MKNK1: variants seen among roughly 807,000 people sequenced by gnomAD.
The protein encoded by MKNK1 is MAP kinase-interacting serine/threonine-protein kinase 1.
MKNK1 carries 30 observed loss-of-function variants against 49.3 expected under a neutral mutation model. The ratio of observed to expected loss-of-function variants is 0.61; its 90% CI spans 0.46 to 0.83. MKNK1 has a LOEUF of 0.83. MKNK1 is among the 40% of genes least tolerant of loss of function. The probability of loss-of-function intolerance (pLI) is 0.00; values close to 1 mark genes in which losing one functional copy is unlikely to be tolerated. For synonymous variants in MKNK1, 176 were observed against 201.7 expected (o/e 0.87, Z 1.08); for missense variants, 423 against 524.7 (o/e 0.81, Z 1.89).
At chr1:46,560,646 C>T (rs774591668) in intron 11 of MKNK1, among the ~76,000 whole-genome samples, 59 of 152,208 alleles carry the variant, frequency 3.9e-4, no homozygotes, top group African/African-American at 1.4e-3. Flanking sequence ...CCTTTGTGCC[C>T]CTAGCACTTT....
At chr1:46,574,623 G>A (rs983521949) in intron 6 of MKNK1, 1 of 238,686 alleles carries the variant, frequency 4.2e-6, no homozygotes, top group African/African-American at 2.3e-5. Flanking sequence ...GTATTTGAGA[G>A]CTTCCACCCC....
At chr1:46,565,491 G>C (rs1424979430) in intron 8 of MKNK1, 1 of 296,752 alleles carries the variant, frequency 3.4e-6, no homozygotes, top group African/African-American at 2.2e-5. Context: ...CAGACTTCTT[G>C]CAGCCCATTC....
At chr1:46,567,196 G>C (rs1459283714) in intron 8 of MKNK1, among the ~76,000 whole-genome samples, 1 of 152,178 alleles carries the variant, frequency 6.6e-6, no homozygotes, top group Non-Finnish European at 1.5e-5. Context: ...TCCTGCCTCA[G>C]CCTCCCGAAG....
intron 1 of MKNK1, among the ~76,000 whole-genome samples, chr1:46,601,689 A>C (rs753542020): frequency 6.6e-6 from 1 of 152,220 alleles, no homozygotes; most frequent in Non-Finnish European, 1.5e-5. Context: ...AGGCACAAAG[A>C]GGAGGAAAAA....
At chr1:46,591,016 T>A (rs1340265596) in intron 2 of MKNK1, among the ~76,000 whole-genome samples, 1 of 152,238 alleles carries the variant, frequency 6.6e-6, no homozygotes, top group Non-Finnish European at 1.5e-5. Context: ...TCCACCTACA[T>A]TATTTCATGG....
At position 46,558,380 on chromosome 1, in the gene MKNK1, T is replaced by C; in HGVS notation, c.*195A>G. The stretch of plus-strand genomic sequence containing the variant: ...TGCTTTCCTTTTCAAAGACAACCCC[T>C]TTGGAAAAAGCTTTTTCCTCCAGGA... On this transcript the variant is annotated 3_prime_UTR_variant, in exon 13 of 13. Transcript: ENST00000371945. 1 of 567,792 alleles carries C rather than the reference T, an allele frequency of 1.8e-6. No homozygotes were observed. The highest frequency in any genetic ancestry group is 2.7e-5 in the South Asian group (1 of 37,468). 35.2% of individuals were successfully genotyped at this position (567,792 alleles called of 1,614,324 possible).
In MKNK1 at chr1:46,562,859, T is replaced by A; in HGVS notation, c.610-16A>T. On this transcript the variant is annotated splice_polypyrimidine_tract_variant and intron_variant, in intron 9 of 12. Coordinates refer to ENST00000371945, the MANE Select transcript of MKNK1 (RefSeq NM_001135553.4). ...CAGAGCCACACTGTGGGGGCCAGGG[T>A]TGGGGGAGGGGGAGATGGCAGAGAA... is the stretch of plus-strand genomic sequence containing the variant. 1 of 1,593,710 alleles carries A rather than the reference T, an allele frequency of 6.3e-7. No individual in the cohort carries two copies. The highest frequency in any genetic ancestry group is 8.5e-7 in the Non-Finnish European group (1 of 1,170,292).
intron 1 of MKNK1, among the ~76,000 whole-genome samples, chr1:46,602,430 G>A (rs542438721): frequency 2.0e-5 from 3 of 152,152 alleles, no homozygotes; most frequent in African/African-American, 7.2e-5. Flanking sequence ...AGGAGAAACA[G>A]AGACAACTAG....
At chr1:46,561,236 C>T (rs556500680) in intron 11 of MKNK1, among the ~76,000 whole-genome samples, 2 of 152,328 alleles carry the variant, frequency 1.3e-5, no homozygotes, top group Non-Finnish European at 2.9e-5. Context: ...ACCAAATCCC[C>T]AGAGGACTCT....
intron 3 of MKNK1, 77 bp from the exon 4 acceptor site, chr1:46,580,704 C>A: frequency 1.0e-6 from 1 of 985,652 alleles, no homozygotes; most frequent in South Asian, 1.3e-5. Context: ...ACTTTTGTGG[C>A]TCAGCTTCCC....
Position 46,586,059 on chromosome 1 carries a change from G to A in MKNK1, c.-2-2730C>T, listed in dbSNP as rs571444749. The A allele has an allele frequency of 2.2e-5, 12 of 552,750 alleles. No individual in the cohort carries two copies. The East Asian group carries it at 7.7e-4, about 36-fold the overall frequency. The allele number at this position is 552,750 out of a possible 1,614,324, so 34.2% of individuals were successfully genotyped here. On this transcript the variant is annotated intron_variant, in intron 2 of 12. Transcript: ENST00000371945. ...GGTTACACAGGGGGAAGCGAGAGGT[G>A]TCATAATCTCACCAAGGGGTCGCTA... is the stretch of plus-strand genomic sequence containing the variant.
Position 46,582,890 on chromosome 1 carries a change from G to C in MKNK1, c.100+338C>G. 4 of 505,226 alleles carry C rather than the reference G, an allele frequency of 7.9e-6. 1 individual carries two copies. Among genetic ancestry groups the C allele is most frequent in the South Asian group, 6.2e-5 (4 of 65,008 alleles). The allele number at this position is 505,226 out of a possible 1,614,324, so 31.3% of individuals were successfully genotyped here. A position where few individuals can be genotyped will look rare whatever the true frequency, so the allele number is the denominator to read the frequency against. On this transcript the variant is annotated intron_variant, in intron 3 of 12. Transcript: ENST00000371945. Reference sequence around the variant, plus strand: ...TCTTATATAGTTCTATCTCTCAGCAGCCCCTCCAGGAATAGCTGAGGGAAG... The same window carrying C: ...TCTTATATAGTTCTATCTCTCAGCACCCCCTCCAGGAATAGCTGAGGGAAG...
At position 46,572,023 on chromosome 1, in the gene MKNK1, G is replaced by C. The variant is rs373304150; in HGVS notation, c.457+40C>G. 4.4e-5 allele frequency: 70 copies of C among 1,590,394 alleles called. No individual in the cohort carries two copies. In the African/African-American group the frequency reaches 7.3e-4, roughly 16 times the overall value. On this transcript the variant is annotated intron_variant, in intron 7 of 12. Transcript: ENST00000371945. Reference sequence around the variant, plus strand: ...CACCTCCCTTGGTACCCAGAGGCTGGCCAGCCCAACCCACCCACCAAGGCA... The same window carrying C: ...CACCTCCCTTGGTACCCAGAGGCTGCCCAGCCCAACCCACCCACCAAGGCA...
Position 46,558,672 on chromosome 1 carries a change from A to C in MKNK1, c.1142T>G (p.Met381Arg). The change falls in exon 13 of 13, where the codon ATG (methionine) becomes AGG (arginine). Residue 381 changes from methionine to arginine, a missense_variant. Coordinates refer to ENST00000371945, the MANE Select transcript of MKNK1 (RefSeq NM_001135553.4). ...TGACTTGCAGGGAGGGGAAAGCTTC[A>C]TGGAGCAGAGGCCATCAGCTAGTGC... ...PEALADGLCSMKLSPPCKSRL... is the reference protein window; with the variant it reads ...PEALADGLCSRKLSPPCKSRL... 1 of 1,614,190 alleles carries C rather than the reference A, an allele frequency of 6.2e-7. No homozygotes were observed. Among genetic ancestry groups the C allele is most frequent in the Non-Finnish European group, 8.5e-7 (1 of 1,180,024 alleles).
At chr1:46,572,901 C>A (rs1670409912) in intron 6 of MKNK1, among the ~76,000 whole-genome samples, 2 of 152,116 alleles carry the variant, frequency 1.3e-5, no homozygotes, top group Non-Finnish European at 2.9e-5. Context: ...AATGCCACAC[C>A]CTTGCCAGAC....
At chr1:46,594,865 C>T in intron 1 of MKNK1, 1 of 416,492 alleles carries the variant, frequency 2.4e-6, no homozygotes, top group Non-Finnish European at 4.8e-6. Context: ...TGGTGGCACA[C>T]ACCTGTAGCT....
chr1:46,578,656 G>A (rs1267572844), intron 4 of MKNK1, among the ~76,000 whole-genome samples: 1 of 148,430 alleles, frequency 6.7e-6, no homozygotes, highest in African/African-American at 2.5e-5. Flanking sequence ...GCACCATCCT[G>A]GCTCATTGCA....
intron 2 of MKNK1, chr1:46,585,706 C>T: frequency 2.2e-6 from 1 of 461,660 alleles, no homozygotes; most frequent in Non-Finnish European, 4.5e-6. Context: ...TCACAGGGGA[C>T]ACTCAGGCAC....
At position 46,580,573 on chromosome 1, in the gene MKNK1, T is replaced by A; in HGVS notation, c.155A>T (p.Gln52Leu). 6.2e-7 allele frequency: 1 copy of A among 1,614,182 alleles called. No homozygotes were observed. Among genetic ancestry groups the A allele is most frequent in the South Asian group, 1.1e-5 (1 of 91,082 alleles). The change falls in exon 4 of 13, where the codon CAA (glutamine) becomes CTA (leucine). Residue 52 changes from glutamine to leucine, a missense_variant. By Grantham distance (113) the Gln-to-Leu change is moderately radical (BLOSUM62 -2). Coordinates refer to ENST00000371945, the MANE Select transcript of MKNK1 (RefSeq NM_001135553.4). Reference sequence around the variant, plus strand: ...GCCATTCTGTAGGCTCACGGCACCTTGAACTTTGGCATAGGCTCCCTCTCC... The same window carrying A: ...GCCATTCTGTAGGCTCACGGCACCTAGAACTTTGGCATAGGCTCCCTCTCC... ...LLGEGAYAKV[Q>L]GAVSLQNGKE... is the part of the protein sequence containing the mutation.
Sources: allele counts gnomAD v4.1 joint callset (sites outside exome capture counted in the v4.1 genomes callset), GRCh38; gene constraint gnomAD v4.1.1; transcripts MANE v1.5; gene names NCBI Gene and HGNC (gene_info 2026-07-23, HGNC 2026-07-21).